UNC5D: variants seen among roughly 807,000 people sequenced by gnomAD.
UNC5D encodes the protein unc-5 netrin receptor D.
A neutral mutation model predicts 105.4 loss-of-function variants in UNC5D; 39 were observed. That is an observed-to-expected ratio of 0.37 (90% CI 0.29 to 0.48). The LOEUF is 0.48. Among genes scored for constraint, UNC5D ranks in the 20% least tolerant of loss-of-function variants. UNC5D has a pLI of 0.98. For missense variants in UNC5D, 991 were observed against 1,202.4 expected (o/e 0.82, Z 2.60); for synonymous variants, 452 against 450.4 (o/e 1.00, Z -0.04).
In UNC5D at chr8:35,550,905, C is replaced by T. The variant is rs148027267; in HGVS notation, c.322+1395C>T. ...CACAAACATTAGTAAATGAAGAAAG[C>T]TTGGTATACGTTCAGCAAAACGTTT... is the stretch of plus-strand genomic sequence containing the variant. On this transcript the variant is annotated intron_variant, in intron 2 of 16. Transcript: ENST00000404895. 3.7e-3 allele frequency among the ~76,000 whole-genome samples: 559 copies of T among 152,210 alleles called. 7 individuals are homozygous for T. Among genetic ancestry groups the T allele is most frequent in the African/African-American group, 0.013 (534 of 41,530 alleles).
At chr8:35,470,119 A>C (rs1168046671) in intron 1 of UNC5D, among the ~76,000 whole-genome samples, 2 of 152,204 alleles carry the variant, frequency 1.3e-5, no homozygotes, top group Non-Finnish European at 1.5e-5. Flanking sequence ...CCAGGAGCTA[A>C]GAACACAAAG....
chr8:35,459,142 G>A (rs1808705515), intron 1 of UNC5D, among the ~76,000 whole-genome samples: 1 of 152,086 alleles, frequency 6.6e-6, no homozygotes, highest in Non-Finnish European at 1.5e-5. Flanking sequence ...TGTGGTATGA[G>A]GGGAAGAAGG....
intron 4 of UNC5D, among the ~76,000 whole-genome samples, chr8:35,657,268 T>C (rs1563638135): frequency 6.6e-6 from 1 of 151,542 alleles, no homozygotes; most frequent in Non-Finnish European, 1.5e-5. Context: ...TTATTTACAC[T>C]AATTTCCATT....
At chr8:35,318,411 C>T (rs1353193785) in intron 1 of UNC5D, among the ~76,000 whole-genome samples, 1 of 152,030 alleles carries the variant, frequency 6.6e-6, no homozygotes. Flanking sequence ...AAGACACATA[C>T]AATGAGGATC....
intron 1 of UNC5D, among the ~76,000 whole-genome samples, chr8:35,383,299 A>G (rs983494237): frequency 2.0e-5 from 3 of 152,150 alleles, no homozygotes; most frequent in African/African-American, 7.2e-5. Context: ...CCCATCACAG[A>G]CAAATATTCT....
chr8:35,710,290 T>A (rs528850212), intron 8 of UNC5D, among the ~76,000 whole-genome samples: 80 of 152,282 alleles, frequency 5.3e-4, no homozygotes, highest in Admixed American at 4.6e-3. Context: ...GATTTTCTGA[T>A]GTTTTGGGTG....
chr8:35,674,571 G>A (rs773755496), intron 4 of UNC5D, among the ~76,000 whole-genome samples: 1 of 152,176 alleles, frequency 6.6e-6, no homozygotes, highest in Non-Finnish European at 1.5e-5. Context: ...CACATGGTAA[G>A]TGTTCATGAA....
chr8:35,676,942 C>T (rs142398436), intron 4 of UNC5D, among the ~76,000 whole-genome samples: 341 of 151,356 alleles, frequency 2.3e-3, no homozygotes, highest in African/African-American at 7.5e-3. Context: ...TTGTAATATA[C>T]GGGCCATCAT....
chr8:35,638,916 G>A (rs1347039530), intron 4 of UNC5D, among the ~76,000 whole-genome samples: 1 of 152,128 alleles, frequency 6.6e-6, no homozygotes, highest in Non-Finnish European at 1.5e-5. Flanking sequence ...TAAGACTTTG[G>A]TAAAAGCAAC....
chr8:35,402,867 C>T (rs1365751225), intron 1 of UNC5D, among the ~76,000 whole-genome samples: 1 of 152,106 alleles, frequency 6.6e-6, no homozygotes, highest in Non-Finnish European at 1.5e-5. Context: ...TCATCCTGTT[C>T]CTAATTTCCC....
At chr8:35,240,260 AC>A (rs1302455679) in intron 1 of UNC5D, among the ~76,000 whole-genome samples, 1 of 151,974 alleles carries the variant, frequency 6.6e-6, no homozygotes, top group African/African-American at 2.4e-5. Flanking sequence ...TCACCCCTTT[AC>A]TTTCTAAATG....
intron 1 of UNC5D, among the ~76,000 whole-genome samples, chr8:35,325,278 C>T (rs551350577): frequency 2.0e-5 from 3 of 152,092 alleles, no homozygotes; most frequent in Non-Finnish European, 4.4e-5. Context: ...ATAAAACATG[C>T]TAGTAATTAT....
intron 1 of UNC5D, among the ~76,000 whole-genome samples, chr8:35,465,917 G>A (rs77574580): frequency 0.016 from 2,433 of 152,256 alleles, 73 homozygotes; most frequent in African/African-American, 0.056. Context: ...GGTGGAGGAA[G>A]GGACCATGAG....
At chr8:35,690,672 C>T (rs1388226422) in intron 7 of UNC5D, among the ~76,000 whole-genome samples, 1 of 152,110 alleles carries the variant, frequency 6.6e-6, no homozygotes, top group Non-Finnish European at 1.5e-5. Flanking sequence ...AAGCAATGGA[C>T]AGTAATCCAA....
At chr8:35,554,220 T>C (rs573878133) in intron 2 of UNC5D, among the ~76,000 whole-genome samples, 1 of 152,194 alleles carries the variant, frequency 6.6e-6, no homozygotes, top group Non-Finnish European at 1.5e-5. Context: ...CCCTGTCATC[T>C]AACAGTTCAA....
In UNC5D at chr8:35,371,604, A is replaced by G. The variant is rs181967690; in HGVS notation, c.103+135717A>G. On this transcript the variant is annotated intron_variant, in intron 1 of 16. Transcript: ENST00000404895. ...ATTTTTTTCCTGATTTGGTAAGAAG[A>G]ACTTGTACCAAGTTATGGTTTGTTA... 2.3e-3 allele frequency among the ~76,000 whole-genome samples: 356 copies of G among 152,286 alleles called. 1 individual carries two copies. Among genetic ancestry groups the G allele is most frequent in the Non-Finnish European group, 3.2e-3 (216 of 68,028 alleles).
intron 4 of UNC5D, among the ~76,000 whole-genome samples, chr8:35,626,707 G>C (rs933591971): frequency 6.6e-6 from 1 of 152,204 alleles, no homozygotes; most frequent in Admixed American, 6.5e-5. Flanking sequence ...CCAGGCATCC[G>C]CGTGCTCTTG....
rs755747714 is a variant in UNC5D, at chr8:35,684,575, C to G, written c.752-7C>G. On this transcript the variant is annotated splice_polypyrimidine_tract_variant and splice_region_variant and intron_variant, in intron 5 of 16. Coordinates refer to ENST00000404895, the MANE Select transcript of UNC5D (RefSeq NM_080872.4). ...TTTTTTCTCCCCTCCCCATTTTTCT[C>G]TCTCAGTGAATGGAGGCTGGTCTTC... is the stretch of plus-strand genomic sequence containing the variant. 1 of 1,606,762 alleles carries G rather than the reference C, an allele frequency of 6.2e-7. No homozygotes were observed. The highest frequency in any genetic ancestry group is 8.5e-7 in the Non-Finnish European group (1 of 1,177,934).
intron 1 of UNC5D, among the ~76,000 whole-genome samples, chr8:35,432,312 T>C (rs1360481669): frequency 1.3e-5 from 2 of 152,202 alleles, no homozygotes; most frequent in Non-Finnish European, 2.9e-5. Context: ...AGTTTTTTAA[T>C]TCTCACAGTT....
Sources: gnomAD v4.1 joint callset for allele counts (sites outside exome capture counted in the v4.1 genomes callset) on GRCh38, gnomAD v4.1.1 for gene constraint, MANE v1.5 for transcripts, NCBI Gene and HGNC (gene_info 2026-07-23, HGNC 2026-07-21) for gene names.